C1orf21: variants seen among roughly 807,000 people sequenced by gnomAD.
The protein encoded by C1orf21 is chromosome 1 open reading frame 21, also known as uncharacterized protein C1orf21.
A neutral mutation model predicts 18.7 loss-of-function variants in C1orf21; 3 were observed. The observed-to-expected ratio is 0.16, with a 90% confidence interval of 0.07 to 0.42. The LOEUF (loss-of-function observed/expected upper bound fraction) is 0.42, where lower values mean the gene tolerates loss of function less well. Ranked by LOEUF, C1orf21 falls within the 10% of genes least tolerant of loss-of-function variation. C1orf21 has a pLI of 0.99. For synonymous variants in C1orf21, 41 were observed against 46.4 expected (o/e 0.88, Z 0.47); for missense variants, 104 against 143.6 (o/e 0.72, Z 1.41).
chr1:184,509,126 A>G (rs1261350816), intron 3 of C1orf21, among the ~76,000 whole-genome samples: 2 of 152,180 alleles, frequency 1.3e-5, no homozygotes, highest in South Asian at 2.1e-4. Flanking sequence ...CCTTAAATCT[A>G]CTAATGTGTG....
rs984774378 is a variant in C1orf21, at chr1:184,621,567, T to G, written c.*2011T>G. On this transcript the variant is annotated 3_prime_UTR_variant, in exon 6 of 6. Transcript: ENST00000235307. ...GGGTGACCTTTTCCGGGATTTCTTG[T>G]TCTTATCAAGCAAGAATTAAGCACA... is the stretch of plus-strand genomic sequence containing the variant. 1.3e-5 allele frequency: 2 copies of G among 152,596 alleles called. No individual in the cohort carries two copies. Among genetic ancestry groups the G allele is most frequent in the Non-Finnish European group, 2.9e-5 (2 of 68,042 alleles). The allele number at this position is 152,596 out of a possible 1,614,324, so 9.5% of individuals were successfully genotyped here.
intron 2 of C1orf21, among the ~76,000 whole-genome samples, chr1:184,486,445 A>G (rs1657734129): frequency 6.6e-6 from 1 of 152,232 alleles, no homozygotes; most frequent in South Asian, 2.1e-4. Context: ...AGGAACACAT[A>G]GTTAATAAGG....
chr1:184,601,215 CT>C (rs1287664138), intron 5 of C1orf21, among the ~76,000 whole-genome samples: 1 of 152,134 alleles, frequency 6.6e-6, no homozygotes, highest in Non-Finnish European at 1.5e-5. Flanking sequence ...ACTAGTAATT[CT>C]TTTTTTCTCC....
At chr1:184,497,964 C>T (rs944918305) in intron 2 of C1orf21, among the ~76,000 whole-genome samples, 4 of 152,180 alleles carry the variant, frequency 2.6e-5, no homozygotes, top group African/African-American at 7.2e-5. Context: ...TCTCTTCTAC[C>T]TCAAAAATCT....
chr1:184,399,705 G>T (rs572754787), intron 1 of C1orf21, among the ~76,000 whole-genome samples: 1 of 152,210 alleles, frequency 6.6e-6, no homozygotes, highest in African/African-American at 2.4e-5. Context: ...ATGCCTTCTC[G>T]TTTCTTCTTT....
Position 184,410,617 on chromosome 1 carries a change from TTATATA to T in C1orf21, c.-125+23291_-125+23296del, listed in dbSNP as rs1162356586. ...GTGAAAGATTAATTTGCCATATATA[TTATATA>T]TATATATATATATATATATATATAT... On this transcript the variant is annotated intron_variant, in intron 1 of 5. Transcript: ENST00000235307. Among the ~76,000 whole-genome samples the T allele has an allele frequency of 3.3e-3, 69 of 21,136 alleles. 4 individuals carry two copies. The highest frequency in any genetic ancestry group is 3.6e-3 in the Non-Finnish European group (53 of 14,532). 13.9% of individuals were successfully genotyped at this position (21,136 alleles called of 152,430 possible).
At chr1:184,549,010 AT>A (rs1658772496) in intron 3 of C1orf21, among the ~76,000 whole-genome samples, 1 of 152,102 alleles carries the variant, frequency 6.6e-6, no homozygotes, top group African/African-American at 2.4e-5. Flanking sequence ...TTTCTTTATA[AT>A]TTTTGTCCTT....
intron 1 of C1orf21, among the ~76,000 whole-genome samples, chr1:184,477,003 C>G (rs1477052835): frequency 6.6e-6 from 1 of 152,086 alleles, no homozygotes; most frequent in Non-Finnish European, 1.5e-5. Context: ...AGGTGGATCT[C>G]AAGAGTGGGC....
intron 3 of C1orf21, among the ~76,000 whole-genome samples, chr1:184,565,202 T>C (rs1346756423): frequency 1.3e-5 from 2 of 152,208 alleles, no homozygotes; most frequent in Non-Finnish European, 2.9e-5. Context: ...ATAATAAATT[T>C]AGAACAGAAC....
At chr1:184,590,569 G>A (rs1659422916) in intron 3 of C1orf21, among the ~76,000 whole-genome samples, 170 bp from the exon 4 acceptor site, 2 of 152,152 alleles carry the variant, frequency 1.3e-5, no homozygotes, top group Non-Finnish European at 2.9e-5. Flanking sequence ...TGTTTGGCAG[G>A]TTCTACCTGT....
intron 3 of C1orf21, among the ~76,000 whole-genome samples, chr1:184,580,899 G>T (rs1158875548): frequency 1.3e-5 from 2 of 152,036 alleles, no homozygotes; most frequent in Non-Finnish European, 2.9e-5. Context: ...CGTTTTCCAT[G>T]AACTTTTTTG....
chr1:184,410,547 T>C (rs1656316389), intron 1 of C1orf21, among the ~76,000 whole-genome samples: 1 of 132,480 alleles, frequency 7.5e-6, no homozygotes, highest in African/African-American at 3.1e-5. Context: ...CTTTTCAGAT[T>C]TTCTTCTAAT....
intron 1 of C1orf21, among the ~76,000 whole-genome samples, chr1:184,451,741 A>G (rs1382113816): frequency 6.6e-6 from 1 of 152,136 alleles, no homozygotes; most frequent in East Asian, 1.9e-4. Context: ...CAAATGAGTT[A>G]AAAGCTAACA....
chr1:184,575,611 T>TAAAA (rs59167087), intron 3 of C1orf21, among the ~76,000 whole-genome samples: 7 of 83,492 alleles, frequency 8.4e-5, no homozygotes, highest in African/African-American at 1.3e-4. Flanking sequence ...CACAAAAAGG[T>TAAAA]AAAAAAAAAA....
At chr1:184,397,065 A>T (rs1656061826) in intron 1 of C1orf21, among the ~76,000 whole-genome samples, 1 of 152,044 alleles carries the variant, frequency 6.6e-6, no homozygotes, top group Non-Finnish European at 1.5e-5. Flanking sequence ...GTTCTAGGGA[A>T]CCCCCGTGTT....
chr1:184,457,551 A>G (rs1271935616), intron 1 of C1orf21, among the ~76,000 whole-genome samples: 2 of 152,186 alleles, frequency 1.3e-5, no homozygotes, highest in Non-Finnish European at 2.9e-5. Context: ...CTTTGTGATC[A>G]TTCACATGAA....
Position 184,619,531 on chromosome 1 carries a change from G to A in C1orf21, c.341G>A (p.Cys114Tyr), listed in dbSNP as rs1659883217. 1.2e-6 allele frequency: 2 copies of A among 1,613,310 alleles called. No homozygotes were observed. Among genetic ancestry groups the A allele is most frequent in the Non-Finnish European group, 1.7e-6 (2 of 1,179,810 alleles). Reference sequence around the variant, plus strand: ...TTTCCCTCCAAGGGTCGGGATTACTGTTCGGAAGAAGAGGATATCACATAG... The same window carrying A: ...TTTCCCTCCAAGGGTCGGGATTACTATTCGGAAGAAGAGGATATCACATAG... Reference protein sequence around the residue: ...DEKIEKGRDYCSEEEDIT With the variant: ...DEKIEKGRDYYSEEEDIT The change falls in exon 6 of 6, where the codon TGT (cysteine) becomes TAT (tyrosine). Residue 114 changes from cysteine to tyrosine, a missense_variant. Physicochemically the swap from Cys to Tyr is radical, Grantham distance 194. Coordinates refer to ENST00000235307, the MANE Select transcript of C1orf21 (RefSeq NM_030806.4).
chr1:184,432,685 A>G (rs1021606782), intron 1 of C1orf21, among the ~76,000 whole-genome samples: 4 of 152,090 alleles, frequency 2.6e-5, no homozygotes, highest in Non-Finnish European at 4.4e-5. Context: ...GAAAAGAAAA[A>G]AAAATCTGGT....
At chr1:184,602,619 T>C (rs1659600202) in intron 5 of C1orf21, among the ~76,000 whole-genome samples, 1 of 152,204 alleles carries the variant, frequency 6.6e-6, no homozygotes, top group Non-Finnish European at 1.5e-5. Context: ...AAACTTCATT[T>C]TTTCACTGTA....
Sources: allele counts gnomAD v4.1 joint callset (sites outside exome capture counted in the v4.1 genomes callset), GRCh38; gene constraint gnomAD v4.1.1; transcripts MANE v1.5; gene names NCBI Gene and HGNC (gene_info 2026-07-23, HGNC 2026-07-21).